ITGB6: variants seen among roughly 807,000 people sequenced by gnomAD.
The protein encoded by ITGB6 is integrin beta-6.
In ITGB6, 80 loss-of-function variants were observed where a neutral mutation model predicts 84.5. The observed-to-expected ratio is 0.95, with a 90% CI of 0.79 to 1.14. ITGB6 has a LOEUF of 1.14. Among genes scored for constraint, ITGB6 ranks in the 50% most tolerant of loss-of-function variants. The probability of loss-of-function intolerance (pLI) is 0.00; values close to 1 mark genes in which losing one functional copy is unlikely to be tolerated. For synonymous variants in ITGB6, 383 were observed against 354.9 expected (o/e 1.08, Z -0.89); for missense variants, 1,006 against 968.0 (o/e 1.04, Z -0.52).
At chr2:160,125,799 G>A (rs1683214612) in intron 11 of ITGB6, among the ~76,000 whole-genome samples, 1 of 96,006 alleles carries the variant, frequency 1.0e-5, no homozygotes, top group Non-Finnish European at 2.3e-5. Context: ...TTGTTATTGT[G>A]CATATGATAT....
chr2:160,184,300 A>G (rs1685807238), intron 4 of ITGB6, among the ~76,000 whole-genome samples: 3 of 152,242 alleles, frequency 2.0e-5, no homozygotes, highest in Admixed American at 1.3e-4. Context: ...ACAGGATATC[A>G]CCACTGATCC....
intron 6 of ITGB6, 62 bp downstream of exon 6, chr2:160,172,507 T>G: frequency 7.0e-7 from 1 of 1,420,214 alleles, no homozygotes; most frequent in South Asian, 1.3e-5. Flanking sequence ...TGTATTACAC[T>G]AGTTGTTGCT....
intron 7 of ITGB6, among the ~76,000 whole-genome samples, chr2:160,153,676 T>C (rs1328413702): frequency 1.3e-5 from 2 of 152,066 alleles, no homozygotes; most frequent in African/African-American, 4.8e-5. Flanking sequence ...AGAAAATTTT[T>C]GCAACCTACT....
chr2:160,102,053 T>C (rs537972496), intron 14 of ITGB6, among the ~76,000 whole-genome samples: 1 of 152,334 alleles, frequency 6.6e-6, no homozygotes, highest in East Asian at 1.9e-4. Context: ...ATTCTAAAAA[T>C]CTTACCTCTT....
Position 160,104,730 on chromosome 2 carries a change from G to GA in ITGB6, c.2269-2897dup, listed in dbSNP as rs996729900. ...CTCAAGTTAATGACTTGTCATCCTA[G>GA]AAAAAAAATTCTAATCAAAGATGAA... On this transcript the variant is annotated intron_variant, in intron 14 of 14. Transcript: ENST00000283249. 5.9e-5 allele frequency among the ~76,000 whole-genome samples: 9 copies of GA among 152,008 alleles called. No individual in the cohort carries two copies. The East Asian group carries it at 1.7e-3, about 29-fold the overall frequency.
At position 160,101,764 on chromosome 2, in the gene ITGB6, T is replaced by C. The variant is rs1210024151; in HGVS notation, c.2339A>G (p.Gln780Arg). 2 of 1,596,716 alleles carry C rather than the reference T, an allele frequency of 1.3e-6. No homozygotes were observed. Among genetic ancestry groups the C allele is most frequent in the African/African-American group, 1.3e-5 (1 of 74,548 alleles). Residue 780 changes from glutamine to arginine, a missense_variant, in exon 15 of 15, where the codon CAA becomes CGA. By Grantham distance (43) the Gln-to-Arg change is conservative (BLOSUM62 1). Coordinates refer to ENST00000283249, the MANE Select transcript of ITGB6 (RefSeq NM_000888.5). The stretch of plus-strand genomic sequence containing the variant: ...GCAATCTGTGGAAAGGTCTACCTTT[T>C]GTTTTTCCCTGTGTTTATAAGTTAC... ...KNVTYKHREKQKVDLSTDC is the reference protein window; with the variant it reads ...KNVTYKHREKRKVDLSTDC
rs1696719275 is a variant in ITGB6, at chr2:160,101,546, G to C, written c.*190C>G. ...TCCCCAAAGTCATCTCTTTGCTAAG[G>C]ATATTTCTCTTCTTGATTATTTTGA... On this transcript the variant is annotated 3_prime_UTR_variant, in exon 15 of 15. Transcript: ENST00000283249. 1.7e-6 allele frequency: 1 copy of C among 580,222 alleles called. No individual in the cohort carries two copies. The allele number at this position is 580,222 out of a possible 1,614,324, so 35.9% of individuals were successfully genotyped here. A position where few individuals can be genotyped will look rare whatever the true frequency, so the allele number is the denominator to read the frequency against.
intron 12 of ITGB6, among the ~76,000 whole-genome samples, chr2:160,122,681 A>T (rs1469830613): frequency 6.6e-6 from 1 of 152,204 alleles, no homozygotes; most frequent in Non-Finnish European, 1.5e-5. Context: ...TTTGGTCACA[A>T]GAAAAGCATT....
At chr2:160,189,386 C>A (rs1197010146) in intron 4 of ITGB6, among the ~76,000 whole-genome samples, 3 of 152,100 alleles carry the variant, frequency 2.0e-5, no homozygotes, top group Middle Eastern at 3.2e-3. Flanking sequence ...TTCTGCACAG[C>A]AAAAGAAACC....
chr2:160,169,919 T>C (rs1274850915), intron 6 of ITGB6, among the ~76,000 whole-genome samples: 1 of 152,228 alleles, frequency 6.6e-6, no homozygotes, highest in African/African-American at 2.4e-5. Flanking sequence ...TTCTGTTCCA[T>C]TGGCATATTT....
chr2:160,137,163 G>T (rs1174782434), intron 10 of ITGB6, among the ~76,000 whole-genome samples: 1 of 152,142 alleles, frequency 6.6e-6, no homozygotes, highest in African/African-American at 2.4e-5. Context: ...TAGAGTCTGG[G>T]TGTCAACCAG....
intron 7 of ITGB6, among the ~76,000 whole-genome samples, chr2:160,153,564 C>A (rs1241168167): frequency 3.3e-5 from 5 of 152,154 alleles, no homozygotes; most frequent in Admixed American, 3.3e-4. Flanking sequence ...AAAGCAATGG[C>A]AACAAAAGCC....
At chr2:160,149,351 G>T (rs1416321071) in intron 7 of ITGB6, among the ~76,000 whole-genome samples, 2 of 152,184 alleles carry the variant, frequency 1.3e-5, no homozygotes, top group East Asian at 3.9e-4. Context: ...CAACACACCT[G>T]CAGCTGAGGG....
intron 7 of ITGB6, among the ~76,000 whole-genome samples, chr2:160,158,931 T>A (rs1312249284): frequency 1.3e-5 from 2 of 152,006 alleles, no homozygotes; most frequent in East Asian, 3.9e-4. Flanking sequence ...AAACCCCGTC[T>A]CTAATAAAAA....
chr2:160,117,254 A>G (rs1228397393), intron 12 of ITGB6, among the ~76,000 whole-genome samples: 3 of 152,212 alleles, frequency 2.0e-5, no homozygotes, highest in South Asian at 4.1e-4. Flanking sequence ...AAGTAACCAC[A>G]TAGTTGGAAG....
intron 7 of ITGB6, among the ~76,000 whole-genome samples, chr2:160,144,708 T>C (rs569494610): frequency 6.6e-6 from 1 of 152,348 alleles, no homozygotes; most frequent in East Asian, 1.9e-4. Context: ...TCAAGTGGCC[T>C]CCAAATTTGT....
chr2:160,123,647 T>C (rs1574055261), intron 12 of ITGB6, 144 bp downstream of exon 12: 1 of 613,306 alleles, frequency 1.6e-6, no homozygotes, highest in South Asian at 2.0e-5. Flanking sequence ...ATGCATTTAC[T>C]CTTAAAAAAT....
chr2:160,183,101 C>G (rs1685751998), intron 4 of ITGB6, among the ~76,000 whole-genome samples: 1 of 152,160 alleles, frequency 6.6e-6, no homozygotes, highest in Non-Finnish European at 1.5e-5. Context: ...GCAAAATAAC[C>G]AGCTAGAATC....
At position 160,101,617 on chromosome 2, in the gene ITGB6, CAG is replaced by C. The variant is rs1696721737; in HGVS notation, c.*117_*118del. 1.5e-6 allele frequency: 1 copy of C among 681,000 alleles called. No homozygotes were observed. Among genetic ancestry groups the C allele is most frequent in the African/African-American group, 1.8e-5 (1 of 54,758 alleles). The allele number at this position is 681,000 out of a possible 1,614,324, so 42.2% of individuals were successfully genotyped here. On this transcript the variant is annotated 3_prime_UTR_variant, in exon 15 of 15. Coordinates refer to ENST00000283249, the MANE Select transcript of ITGB6 (RefSeq NM_000888.5). Reference sequence around the variant, plus strand: ...CTTCATGTAGAGGATGACTTATCTGCAGATGTCCTATTATTATCTTAAACCAA... The same window carrying C: ...CTTCATGTAGAGGATGACTTATCTGCATGTCCTATTATTATCTTAAACCAA...
Sources: gnomAD v4.1 joint callset for allele counts (sites outside exome capture counted in the v4.1 genomes callset) on GRCh38, gnomAD v4.1.1 for gene constraint, MANE v1.5 for transcripts, NCBI Gene and HGNC (gene_info 2026-07-23, HGNC 2026-07-21) for gene names.